Variants in PLEKHM1 observed in about 807,000 individuals in gnomAD.
The protein encoded by PLEKHM1 is pleckstrin homology and RUN domain containing M1, also known as pleckstrin homology domain-containing family M member 1.
PLEKHM1 carries 28 observed loss-of-function variants against 94.3 expected under a neutral mutation model. The ratio of observed to expected loss-of-function variants is 0.30; its 90% CI spans 0.22 to 0.41. The LOEUF (loss-of-function observed/expected upper bound fraction) is 0.41, where lower values mean the gene tolerates loss of function less well. Ranked by LOEUF, PLEKHM1 falls within the 10% of genes least tolerant of loss-of-function variation. The pLI is 1.00. For missense variants in PLEKHM1, 907 were observed against 1,358.6 expected (o/e 0.67, Z 5.22); for synonymous variants, 424 against 581.2 (o/e 0.73, Z 3.89).
At chr17:45,480,744 A>G (rs2051926286) in intron 2 of PLEKHM1, among the ~76,000 whole-genome samples, 2 of 152,250 alleles carry the variant, frequency 1.3e-5, no homozygotes, top group South Asian at 2.1e-4. Context: ...TGTAGCATGT[A>G]TCAGGACTTC....
intron 1 of PLEKHM1, among the ~76,000 whole-genome samples, chr17:45,483,550 C>T (rs184649733): frequency 8.2e-4 from 124 of 151,886 alleles, no homozygotes; most frequent in Non-Finnish European, 1.5e-3. Context: ...CACATTCACA[C>T]GTAAACAAAT....
intron 6 of PLEKHM1, chr17:45,456,304 G>C (rs1421703739): frequency 6.6e-6 from 1 of 152,224 alleles, no homozygotes; most frequent in Non-Finnish European, 1.5e-5. Flanking sequence ...ACACTGCTTT[G>C]CTGCCTGCTA....
At chr17:45,438,515 G>C (rs1222504386) in intron 11 of PLEKHM1, among the ~76,000 whole-genome samples, 3 of 151,408 alleles carry the variant, frequency 2.0e-5, no homozygotes, top group South Asian at 4.2e-4. Flanking sequence ...CTGGGCGACA[G>C]AGCAAGACTC....
chr17:45,463,061 G>A (rs2051200853), intron 5 of PLEKHM1, among the ~76,000 whole-genome samples: 1 of 147,950 alleles, frequency 6.8e-6, no homozygotes, highest in Non-Finnish European at 1.5e-5. Context: ...ACTCCCACCT[G>A]GGCAACAGCA....
chr17:45,483,692 C>T (rs28521823), intron 1 of PLEKHM1, among the ~76,000 whole-genome samples: 73,716 of 151,884 alleles, frequency 0.49, 18,693 homozygotes, highest in South Asian at 0.61. Context: ...ACATATATTG[C>T]CTAATTTATG....
At chr17:45,473,459 T>A (rs959558722) in intron 4 of PLEKHM1, among the ~76,000 whole-genome samples, 1 of 152,142 alleles carries the variant, frequency 6.6e-6, no homozygotes, top group African/African-American at 2.4e-5. Context: ...GAAGAAGCTC[T>A]GAAATGAAAA....
intron 5 of PLEKHM1, among the ~76,000 whole-genome samples, chr17:45,464,899 C>T (rs2051273566): frequency 6.6e-6 from 1 of 152,156 alleles, no homozygotes; most frequent in East Asian, 1.9e-4. Flanking sequence ...TCACATTTGT[C>T]TCCTTCCTTC....
intron 5 of PLEKHM1, among the ~76,000 whole-genome samples, chr17:45,467,828 G>A (rs2051364804): frequency 6.6e-6 from 1 of 152,160 alleles, no homozygotes; most frequent in Non-Finnish European, 1.5e-5. Flanking sequence ...AGGAGGAAAT[G>A]AAGGTTCAGA....
At chr17:45,482,114 G>A (rs1234062670) in intron 2 of PLEKHM1, among the ~76,000 whole-genome samples, 1 of 150,876 alleles carries the variant, frequency 6.6e-6, no homozygotes, top group Non-Finnish European at 1.5e-5. Flanking sequence ...CCAGTGCCTG[G>A]GAATATCTGT....
chr17:45,462,614 A>G (rs1241059475), intron 5 of PLEKHM1, among the ~76,000 whole-genome samples: 2 of 152,110 alleles, frequency 1.3e-5, no homozygotes. Context: ...GCTTACCCTC[A>G]TTCTAGCATT....
At chr17:45,470,455 C>G (rs1333656849) in intron 4 of PLEKHM1, among the ~76,000 whole-genome samples, 697 of 151,452 alleles carry the variant, frequency 4.6e-3, no homozygotes, top group African/African-American at 0.016. Flanking sequence ...ATAGTGAAAC[C>G]CTGTTTCTAA....
intron 5 of PLEKHM1, among the ~76,000 whole-genome samples, chr17:45,461,953 C>CT (rs771907978): frequency 1.3e-5 from 2 of 152,148 alleles, no homozygotes; most frequent in Non-Finnish European, 2.9e-5. Flanking sequence ...CTGGGCCACT[C>CT]TAAGTGGCTG....
At position 45,437,822 on chromosome 17, in the gene PLEKHM1, A is replaced by AC; in HGVS notation, c.*35dup. On this transcript the variant is annotated 3_prime_UTR_variant, in exon 12 of 12. Transcript: ENST00000430334. This position sits in a 1 kb window ranked among gnomAD's most constrained non-coding sequence, Gnocchi z 4.0. ...CAGCCGGGATGGCTGAGCCACACTCACCCCCGGCTTTCAGAGCGGGGTCAG... is the reference window on the plus strand; with the variant it reads ...CAGCCGGGATGGCTGAGCCACACTCACCCCCCGGCTTTCAGAGCGGGGTCAG... 2.0e-6 allele frequency: 3 copies of AC among 1,504,384 alleles called. No individual in the cohort carries two copies. The highest frequency in any genetic ancestry group is 2.8e-6 in the Non-Finnish European group (3 of 1,080,172). The allele number at this position is 1,504,384 out of a possible 1,614,324, so 93.2% of individuals were successfully genotyped here. A position where few individuals can be genotyped will look rare whatever the true frequency, so the allele number is the denominator to read the frequency against.
chr17:45,438,664 C>A (rs979164764), intron 11 of PLEKHM1, among the ~76,000 whole-genome samples: 2 of 152,060 alleles, frequency 1.3e-5, no homozygotes, highest in African/African-American at 2.4e-5. Context: ...TCAAGTGATT[C>A]CCCTGCCTCA....
intron 4 of PLEKHM1, among the ~76,000 whole-genome samples, chr17:45,470,497 T>C: frequency 6.6e-6 from 1 of 152,412 alleles, no homozygotes; most frequent in Admixed American, 6.5e-5. Flanking sequence ...GGCGTGGTGG[T>C]GCGCACCTGT....
At chr17:45,471,992 C>T (rs192546629) in intron 4 of PLEKHM1, among the ~76,000 whole-genome samples, 15 of 152,196 alleles carry the variant, frequency 9.9e-5, no homozygotes, top group Admixed American at 2.6e-4. Context: ...CAAACAGAAC[C>T]GCTTTATATT....
intron 9 of PLEKHM1, 56 bp from the exon 10 acceptor site, chr17:45,440,282 T>G: frequency 6.5e-7 from 1 of 1,543,852 alleles, no homozygotes; most frequent in East Asian, 2.2e-5. Context: ...CAGGCTAGCC[T>G]GTGTTGTTTG....
intron 9 of PLEKHM1, among the ~76,000 whole-genome samples, chr17:45,443,680 G>A (rs2050517254): frequency 6.6e-6 from 1 of 152,172 alleles, no homozygotes; most frequent in Non-Finnish European, 1.5e-5. Flanking sequence ...GTCTACACAG[G>A]TCTGCATGCC....
chr17:45,481,041 T>C (rs143640233), intron 2 of PLEKHM1, among the ~76,000 whole-genome samples: 64 of 152,326 alleles, frequency 4.2e-4, no homozygotes, highest in Admixed American at 8.5e-4. Flanking sequence ...CAGCAATATA[T>C]GAGTTCCAAT....
Sources: allele counts gnomAD v4.1 joint callset (sites outside exome capture counted in the v4.1 genomes callset), GRCh38; gene constraint gnomAD v4.1.1; non-coding constraint Gnocchi (gnomAD v3.1); transcripts MANE v1.5; gene names NCBI Gene and HGNC (gene_info 2026-07-23, HGNC 2026-07-21).